CXXC1: variants seen among roughly 807,000 people sequenced by gnomAD.
CXXC1 encodes the protein CXXC finger protein 1, also known as CXXC-type zinc finger protein 1.
Under a neutral mutation model 83.6 loss-of-function variants are expected in CXXC1, and 21 were observed. That is an observed-to-expected ratio of 0.25 (90% CI 0.18 to 0.36). The LOEUF (loss-of-function observed/expected upper bound fraction) is 0.36. Ranked by LOEUF, CXXC1 falls within the 10% of genes least tolerant of loss-of-function variation. The pLI is 1.00. For missense variants in CXXC1, 688 were observed against 919.5 expected (o/e 0.75, Z 3.26); for synonymous variants, 371 against 337.5 (o/e 1.10, Z -1.09).
Position 50,285,644 on chromosome 18 carries a change from T to A in CXXC1, c.639+105A>T, listed in dbSNP as rs2040701432. The A allele has an allele frequency of 7.2e-7, 1 of 1,392,078 alleles. No homozygotes were observed. The highest frequency in any genetic ancestry group is 1.4e-5 in the African/African-American group (1 of 70,806). The allele number at this position is 1,392,078 out of a possible 1,614,324, so 86.2% of individuals were successfully genotyped here. Reference sequence around the variant, plus strand: ...CCCCTTCCCACCTGTCAGGATACAGTCAGGCCCAATCCCACCTGGTTTATC... The same window carrying A: ...CCCCTTCCCACCTGTCAGGATACAGACAGGCCCAATCCCACCTGGTTTATC... On this transcript the variant is annotated intron_variant, in intron 5 of 14. Coordinates refer to ENST00000285106, the MANE Select transcript of CXXC1 (RefSeq NM_014593.4). This position sits in a 1 kb window ranked among gnomAD's most constrained non-coding sequence, Gnocchi z 4.4.
At position 50,282,511 on chromosome 18, in the gene CXXC1, G is replaced by A. The variant is rs1303261061; in HGVS notation, c.*82C>T. 2 of 1,536,052 alleles carry A rather than the reference G, an allele frequency of 1.3e-6. No individual in the cohort carries two copies. Among genetic ancestry groups the A allele is most frequent in the East Asian group, 4.5e-5 (2 of 44,372 alleles). Reference sequence around the variant, plus strand: ...GGGCACAGGGAGAACCGGAGAAACAGATGAGTGGAGGAACGGACACACGGG... The same window carrying A: ...GGGCACAGGGAGAACCGGAGAAACAAATGAGTGGAGGAACGGACACACGGG... On this transcript the variant is annotated 3_prime_UTR_variant, in exon 15 of 15. Transcript: ENST00000285106. The surrounding 1 kb of genome is among the most constrained non-coding windows in gnomAD (Gnocchi z 5.8).
rs2040695132 is a variant in CXXC1 at position 50,285,244 on chromosome 18, A to G, written c.670T>C (p.Ser224Pro). The G allele has an allele frequency of 6.2e-7, 1 of 1,613,968 alleles. No individual in the cohort carries two copies. The highest frequency in any genetic ancestry group is 1.3e-5 in the African/African-American group (1 of 74,932). Residue 224 changes from serine (S) to proline (P), a missense_variant, in exon 7 of 15, where the codon TCA becomes CCA. Coordinates refer to ENST00000285106, the MANE Select transcript of CXXC1 (RefSeq NM_014593.4). This position sits in a 1 kb window ranked among gnomAD's most constrained non-coding sequence, Gnocchi z 4.4. The stretch of plus-strand genomic sequence containing the variant: ...AGGGACTCTGAGGGCGTCACTGGTG[A>G]GAGCTGCAGGGCAGAATCTCAGGAC... ...ESYKYFPSSL[S>P]PVTPSESLPR...
chr18:50,287,019 A>C, intron 1 of CXXC1, 161 bp from the exon 2 acceptor site: 2 of 608,898 alleles, frequency 3.3e-6, no homozygotes, highest in Non-Finnish European at 3.0e-6. Flanking sequence ...ACTGACCCCC[A>C]TCCCTTCCTC....
rs748401100 is a variant in CXXC1 at position 50,285,141 on chromosome 18, T to C, written c.773A>G (p.Glu258Gly). The change falls in exon 7 of 15, where the codon GAG (glutamate) becomes GGG (glycine). Residue 258 changes from glutamate to glycine, a missense_variant. Coordinates refer to ENST00000285106, the MANE Select transcript of CXXC1 (RefSeq NM_014593.4). The surrounding 1 kb of genome is among the most constrained non-coding windows in gnomAD (Gnocchi z 4.4). The stretch of plus-strand genomic sequence containing the variant: ...GACTGTTGATGACGCCACTGCCCCC[T>C]CATCTTCACGGATGCGCCCTAACTT... ...SQKLGRIREDEGAVASSTVKE... is the reference protein window; with the variant it reads ...SQKLGRIREDGGAVASSTVKE... 6.2e-7 allele frequency: 1 copy of C among 1,614,158 alleles called. No individual in the cohort carries two copies. The highest frequency in any genetic ancestry group is 8.5e-7 in the Non-Finnish European group (1 of 1,180,020).
rs1488859819 is a variant in CXXC1, at chr18:50,282,646, T to C, written c.1918A>G (p.Thr640Ala). 6.2e-7 allele frequency: 1 copy of C among 1,612,774 alleles called. No individual in the cohort carries two copies. The highest frequency in any genetic ancestry group is 8.5e-7 in the Non-Finnish European group (1 of 1,180,018). The change falls in exon 15 of 15, where the codon ACG (threonine) becomes GCG (alanine). Residue 640 changes from threonine (T) to alanine (A), a missense_variant. Thr to Ala is a moderately conservative substitution (Grantham distance 58, BLOSUM62 0). This residue lies in a region of CXXC1 where 34 missense variants were observed against 27.0 expected (regional missense o/e 1.26). Transcript: ENST00000285106. The surrounding 1 kb of genome is among the most constrained non-coding windows in gnomAD (Gnocchi z 5.8). The stretch of plus-strand genomic sequence containing the variant: ...GTAGTGAGGGGATCGTGCTGGATCG[T>C]CTGGTGCAGCATCAGGGCCAGCAAT... ...AGLLALMLHQ[T>A]IQHDPLTTDL...
intron 13 of CXXC1, 52 bp from the exon 14 acceptor site, chr18:50,283,058 G>T: frequency 6.3e-7 from 1 of 1,592,074 alleles, no homozygotes; most frequent in Non-Finnish European, 8.6e-7. Context: ...GGGAGAATAG[G>T]AATGGGGGCT....
chr18:50,284,660 C>T, intron 8 of CXXC1, 72 bp downstream of exon 8: 2 of 1,609,394 alleles, frequency 1.2e-6, no homozygotes, highest in Admixed American at 1.7e-5. Flanking sequence ...TTGCCCCATT[C>T]AGCCTCTGAC....
intron 7 of CXXC1, 58 bp downstream of exon 7, chr18:50,284,944 A>G: frequency 6.2e-7 from 1 of 1,612,712 alleles, no homozygotes; most frequent in Non-Finnish European, 8.5e-7. Flanking sequence ...CTCATTAGGG[A>G]TACTCTCTGC....
In CXXC1 at chr18:50,284,448, C is replaced by T. The variant is rs1295079375; in HGVS notation, c.1135G>A (p.Gly379Ser). ...CTGGGCTGGGCGGGGCGCACACAGC[C>T]GGGCCCCAGGCACTGGGGCAGTGAC... is the stretch of plus-strand genomic sequence containing the variant. ...PASLPQCLGP[G>S]CVRPAQPSSK... Residue 379 changes from glycine to serine, a missense_variant, in exon 9 of 15, where the codon GGC becomes AGC. Physicochemically the swap from Gly to Ser is moderately conservative, Grantham distance 56 (BLOSUM62 0). Around this residue, in one of 9 missense-constraint regions of CXXC1, gnomAD observed 100 missense variants for 142.5 expected, o/e 0.70. Coordinates refer to ENST00000285106, the MANE Select transcript of CXXC1 (RefSeq NM_014593.4). The T allele has an allele frequency of 2.5e-6, 4 of 1,603,520 alleles. No individual in the cohort carries two copies. Among genetic ancestry groups the T allele is most frequent in the South Asian group, 1.1e-5 (1 of 89,734 alleles).
chr18:50,286,469 A>AC (rs1307620310), intron 3 of CXXC1, 70 bp downstream of exon 3: 57 of 1,308,094 alleles, frequency 4.4e-5, no homozygotes, highest in Middle Eastern at 1.8e-4. Context: ...AATCCCCATA[A>AC]CCCCCCCTTG....
chr18:50,286,534 C>G lies in CXXC1; in HGVS notation c.223+5G>C, dbSNP rs1484642408. The G allele has an allele frequency of 6.2e-7, 1 of 1,613,248 alleles. No individual in the cohort carries two copies. The highest frequency in any genetic ancestry group is 1.7e-5 in the Admixed American group (1 of 60,018). On this transcript the variant is annotated splice_donor_5th_base_variant and intron_variant, in intron 3 of 14. Transcript: ENST00000285106. ...CTGCCTTCCCTGTCCATCCATGGCC[C>G]TCACCTCTGCACTCCCGACAGTACC...
In CXXC1 at chr18:50,286,659, C is replaced by T. The variant is rs914092203; in HGVS notation, c.123-20G>A. 3.1e-6 allele frequency: 5 copies of T among 1,612,878 alleles called. No homozygotes were observed. Among genetic ancestry groups the T allele is most frequent in the Admixed American group, 1.7e-5 (1 of 60,000 alleles). ...CACCCGCTGCAGAGGATGGGGCAGG[C>T]GATGGAGATGTGAGGGGCGCGGCCC... On this transcript the variant is annotated intron_variant, in intron 2 of 14. Transcript: ENST00000285106.
At chr18:50,283,066 G>A in intron 13 of CXXC1, 60 bp from the exon 14 acceptor site, 1 of 1,570,702 alleles carries the variant, frequency 6.4e-7, no homozygotes, top group Non-Finnish European at 8.7e-7. Flanking sequence ...AGGAATGGGG[G>A]CTCAAGGAGG....
rs1439625435 is a variant in CXXC1 at position 50,287,367 on chromosome 18, C to G, written c.3+220G>C. On this transcript the variant is annotated intron_variant, in intron 1 of 14. Coordinates refer to ENST00000285106, the MANE Select transcript of CXXC1 (RefSeq NM_014593.4). Reference sequence around the variant, plus strand: ...CCCCCGATCATGGTTTCCCACGGAACTGCCACACGGAGTCCCCACTAAACT... The same window carrying G: ...CCCCCGATCATGGTTTCCCACGGAAGTGCCACACGGAGTCCCCACTAAACT... 3.0e-5 allele frequency: 18 copies of G among 593,506 alleles called. No homozygotes were observed. In the South Asian group the frequency reaches 3.7e-4, roughly 12 times the overall value. 36.8% of individuals were successfully genotyped at this position (593,506 alleles called of 1,614,324 possible).
In CXXC1 at chr18:50,286,004, CTTT is replaced by C; in HGVS notation, c.459+15_459+17del. 3 of 1,613,778 alleles carry C rather than the reference CTTT, an allele frequency of 1.9e-6. No homozygotes were observed. The highest frequency in any genetic ancestry group is 2.5e-6 in the Non-Finnish European group (3 of 1,179,800). ...CGGAACCACTTTACACATCCATTCACTTTATGCAGCCACTCACCTGGCTGGGTG... is the reference window on the plus strand; with the variant it reads ...CGGAACCACTTTACACATCCATTCACATGCAGCCACTCACCTGGCTGGGTG... On this transcript the variant is annotated intron_variant, in intron 4 of 14. Coordinates refer to ENST00000285106, the MANE Select transcript of CXXC1 (RefSeq NM_014593.4).
chr18:50,285,985 C>T lies in CXXC1; in HGVS notation c.459+37G>A. 1.2e-6 allele frequency: 2 copies of T among 1,613,860 alleles called. No individual in the cohort carries two copies. Among genetic ancestry groups the T allele is most frequent in the Non-Finnish European group, 8.5e-7 (1 of 1,179,966 alleles). On this transcript the variant is annotated intron_variant, in intron 4 of 14. Coordinates refer to ENST00000285106, the MANE Select transcript of CXXC1 (RefSeq NM_014593.4). The surrounding 1 kb of genome is among the most constrained non-coding windows in gnomAD (Gnocchi z 4.4). ...GACCCAGGCAGGGCTGAAACGGAAC[C>T]ACTTTACACATCCATTCACTTTATG...
chr18:50,284,904 C>A, intron 7 of CXXC1, 65 bp from the exon 8 acceptor site: 1 of 1,612,716 alleles, frequency 6.2e-7, no homozygotes, highest in Non-Finnish European at 8.5e-7. Flanking sequence ...CTACTCATGT[C>A]CCATATCAGC....
In CXXC1 at chr18:50,287,176, G is replaced by T. The variant is rs905095882; in HGVS notation, c.4-318C>A. Reference sequence around the variant, plus strand: ...AACTCACTGCGGACTTCCCATCGCGGTTCTCCACGCACCCCTCCCTGTTTA... The same window carrying T: ...AACTCACTGCGGACTTCCCATCGCGTTTCTCCACGCACCCCTCCCTGTTTA... On this transcript the variant is annotated intron_variant, in intron 1 of 14. Coordinates refer to ENST00000285106, the MANE Select transcript of CXXC1 (RefSeq NM_014593.4). 2.5e-4 allele frequency: 126 copies of T among 510,728 alleles called. 1 individual carries two copies. Among genetic ancestry groups the T allele is most frequent in the African/African-American group, 2.2e-3 (115 of 52,204 alleles). The allele number at this position is 510,728 out of a possible 1,614,324, so 31.6% of individuals were successfully genotyped here.
rs1335854204 is a variant in CXXC1 at position 50,285,372 on chromosome 18, C to T, written c.640-21G>A. The T allele has an allele frequency of 6.3e-7, 1 of 1,577,382 alleles. No individual in the cohort carries two copies. Among genetic ancestry groups the T allele is most frequent in the Non-Finnish European group, 8.6e-7 (1 of 1,160,646 alleles). On this transcript the variant is annotated intron_variant, in intron 5 of 14. Coordinates refer to ENST00000285106, the MANE Select transcript of CXXC1 (RefSeq NM_014593.4). This position sits in a 1 kb window ranked among gnomAD's most constrained non-coding sequence, Gnocchi z 4.4. ...GATTCCTGTGCCGGCAGGAGGAAGG[C>T]CCAGGTCAGCCCCAGGTGGATGGAG... is the stretch of plus-strand genomic sequence containing the variant.
Sources: gnomAD v4.1 joint callset for allele counts on GRCh38, gnomAD v4.1.1 for gene constraint, gnomAD v4.1.1 regional missense constraint, Gnocchi (gnomAD v3.1) non-coding constraint, MANE v1.5 for transcripts, NCBI Gene and HGNC (gene_info 2026-07-23, HGNC 2026-07-21) for gene names.